FAM110B: variants seen among roughly 807,000 people sequenced by gnomAD.
FAM110B encodes the protein family with sequence similarity 110 member B.
Under a neutral mutation model 20.4 loss-of-function variants are expected in FAM110B, and 6 were observed. That is an observed-to-expected ratio of 0.29 (90% CI 0.16 to 0.58). The LOEUF is 0.58. FAM110B is among the 20% of genes least tolerant of loss of function. The pLI is 0.90. For missense variants in FAM110B, 434 were observed against 498.2 expected (o/e 0.87, Z 1.23); for synonymous variants, 226 against 214.1 (o/e 1.06, Z -0.49).
intron 2 of FAM110B, among the ~76,000 whole-genome samples, chr8:58,046,502 C>T (rs1805322528): frequency 6.6e-6 from 1 of 152,154 alleles, no homozygotes; most frequent in Non-Finnish European, 1.5e-5. Flanking sequence ...TTCTAGTCTA[C>T]AGTACTGTGT....
intron 3 of FAM110B, among the ~76,000 whole-genome samples, chr8:58,097,764 TCTTTTCTGTTTGTTAGTTTTCC>T (rs1379585197): frequency 1.3e-5 from 2 of 152,352 alleles, no homozygotes; most frequent in East Asian, 1.9e-4. Context: ...TTGACACTGT[TCTTTTCTGTTTGTTAGTTTTCC>T]CTTTTCTGTT....
intron 2 of FAM110B, among the ~76,000 whole-genome samples, chr8:58,073,279 A>G (rs1805950753): frequency 6.6e-6 from 1 of 152,194 alleles, no homozygotes. Context: ...CGAGGCAGAC[A>G]GAGAGACATA....
chr8:58,060,641 A>G (rs1357373864), intron 2 of FAM110B, among the ~76,000 whole-genome samples: 3 of 152,184 alleles, frequency 2.0e-5, no homozygotes, highest in Non-Finnish European at 4.4e-5. Context: ...GAAACGGGAA[A>G]TTATTTTGCA....
At chr8:58,052,984 A>G (rs545954393) in intron 2 of FAM110B, among the ~76,000 whole-genome samples, 5 of 150,312 alleles carry the variant, frequency 3.3e-5, no homozygotes, top group Non-Finnish European at 7.4e-5. Flanking sequence ...ACGGGGTTTC[A>G]CCGTGTTAGC....
intron 1 of FAM110B, among the ~76,000 whole-genome samples, chr8:58,011,018 A>G (rs546224321): frequency 1.1e-4 from 17 of 152,298 alleles, no homozygotes; most frequent in Admixed American, 4.6e-4. Context: ...CTTTGCCTAC[A>G]TGGTATCTGT....
chr8:58,043,464 CT>C (rs911544517), intron 2 of FAM110B, among the ~76,000 whole-genome samples: 34 of 151,072 alleles, frequency 2.3e-4, no homozygotes, highest in South Asian at 1.2e-3. Flanking sequence ...ATTTTTATAA[CT>C]TTTTTTATAT....
chr8:58,079,041 T>G (rs980012172), intron 3 of FAM110B, among the ~76,000 whole-genome samples: 15 of 152,294 alleles, frequency 9.8e-5, no homozygotes, highest in South Asian at 2.1e-4. Flanking sequence ...GGTTTGTACC[T>G]TGTCAATGAC....
intron 2 of FAM110B, among the ~76,000 whole-genome samples, chr8:58,066,687 G>A (rs367729136): frequency 1.1e-4 from 17 of 152,240 alleles, no homozygotes; most frequent in South Asian, 2.1e-4. Flanking sequence ...TCTTTTCCTC[G>A]GTGTGGGGTG....
chr8:58,093,575 T>G (rs1188909487), intron 3 of FAM110B, among the ~76,000 whole-genome samples: 2 of 152,226 alleles, frequency 1.3e-5, no homozygotes, highest in Non-Finnish European at 2.9e-5. Context: ...TGGTGTTATT[T>G]CTGAGGCCTG....
intron 2 of FAM110B, among the ~76,000 whole-genome samples, chr8:58,054,973 A>G (rs898305629): frequency 1.3e-5 from 2 of 152,000 alleles, no homozygotes; most frequent in African/African-American, 4.8e-5. Context: ...GCTTAAAATG[A>G]TAAGTAATTC....
intron 2 of FAM110B, among the ~76,000 whole-genome samples, chr8:58,062,190 A>G (rs929905091): frequency 6.6e-6 from 1 of 152,232 alleles, no homozygotes; most frequent in African/African-American, 2.4e-5. Context: ...AAGACCATGG[A>G]AAAGCATCTC....
intron 3 of FAM110B, among the ~76,000 whole-genome samples, chr8:58,082,854 T>TTG (rs1554522335): frequency 6.6e-6 from 1 of 150,830 alleles, no homozygotes; most frequent in African/African-American, 2.4e-5. Flanking sequence ...TTTGTTTTTT[T>TTG]TTTTTTTAAA....
intron 3 of FAM110B, among the ~76,000 whole-genome samples, chr8:58,080,817 C>A (rs1806170222): frequency 1.3e-5 from 2 of 152,230 alleles, no homozygotes; most frequent in South Asian, 4.1e-4. Context: ...CCTCTCCTTG[C>A]ATGGTCTTTA....
At chr8:58,084,256 A>G (rs1016678394) in intron 3 of FAM110B, among the ~76,000 whole-genome samples, 2 of 152,326 alleles carry the variant, frequency 1.3e-5, no homozygotes, top group Non-Finnish European at 2.9e-5. Flanking sequence ...GATGAACTAT[A>G]ATATTTTCAA....
intron 1 of FAM110B, among the ~76,000 whole-genome samples, chr8:58,011,295 T>A (rs1007071769): frequency 6.6e-5 from 10 of 152,168 alleles, no homozygotes; most frequent in Non-Finnish European, 1.2e-4. Context: ...CAGTAGGAGT[T>A]ATCAAACCCC....
At chr8:58,059,821 A>G (rs941747261) in intron 2 of FAM110B, among the ~76,000 whole-genome samples, 1 of 151,980 alleles carries the variant, frequency 6.6e-6, no homozygotes, top group East Asian at 1.9e-4. Flanking sequence ...ACCTACTTTA[A>G]GTTTGCAAAA....
intron 1 of FAM110B, among the ~76,000 whole-genome samples, chr8:58,019,064 C>T (rs968673131): frequency 3.9e-5 from 6 of 152,024 alleles, no homozygotes; most frequent in East Asian, 3.9e-4. Context: ...AGGCCAGGCG[C>T]GGTGGCTCAC....
At chr8:58,109,000 GA>G (rs1043169058) in intron 3 of FAM110B, among the ~76,000 whole-genome samples, 43 of 152,316 alleles carry the variant, frequency 2.8e-4, no homozygotes, top group African/African-American at 1.0e-3. Flanking sequence ...AATCGGTGAG[GA>G]AACTCAACTA....
In FAM110B at chr8:58,147,541, G is replaced by A. The variant is rs557832190; in HGVS notation, c.*198G>A. Reference sequence around the variant, plus strand: ...CGCTACAGAGCCTGGCTGAACACGCGTCATCTGCCAAAAGTTTCAGGCCAG... The same window carrying A: ...CGCTACAGAGCCTGGCTGAACACGCATCATCTGCCAAAAGTTTCAGGCCAG... On this transcript the variant is annotated 3_prime_UTR_variant, in exon 4 of 4. Coordinates refer to ENST00000519262, the MANE Select transcript of FAM110B (RefSeq NM_001377989.1). 7.0e-5 allele frequency: 45 copies of A among 644,310 alleles called. No individual in the cohort carries two copies. Among genetic ancestry groups the A allele is most frequent in the African/African-American group, 6.6e-4 (36 of 54,662 alleles). 39.9% of individuals were successfully genotyped at this position (644,310 alleles called of 1,614,324 possible). A position where few individuals can be genotyped will look rare whatever the true frequency, so the allele number is the denominator to read the frequency against.
Sources: gnomAD v4.1 joint callset for allele counts (sites outside exome capture counted in the v4.1 genomes callset) on GRCh38, gnomAD v4.1.1 for gene constraint, MANE v1.5 for transcripts, NCBI Gene and HGNC (gene_info 2026-07-23, HGNC 2026-07-21) for gene names.